The following SYTL2 variants were observed in gnomAD, a reference collection of about 807,000 sequenced individuals.
SYTL2 encodes synaptotagmin-like protein 2.
In SYTL2, 165 loss-of-function variants were observed where a neutral mutation model predicts 198.7. The ratio of observed to expected loss-of-function variants is 0.83; its 90% CI spans 0.73 to 0.94. The LOEUF (loss-of-function observed/expected upper bound fraction) is 0.94, where lower values mean the gene tolerates loss of function less well. Ranked by LOEUF, SYTL2 falls within the 40% of genes least tolerant of loss-of-function variation. The probability of loss-of-function intolerance (pLI) is 0.00; values close to 1 mark genes in which losing one functional copy is unlikely to be tolerated. For synonymous variants in SYTL2, 966 were observed against 917.7 expected (o/e 1.05, Z -0.95); for missense variants, 2,835 against 2,582.8 (o/e 1.10, Z -2.12).
In SYTL2 at chr11:85,727,081, G is replaced by A; in HGVS notation, c.2277C>T (p.Ala759=). 6.5e-7 allele frequency: 1 copy of A among 1,535,942 alleles called. No individual in the cohort carries two copies. The highest frequency in any genetic ancestry group is 8.7e-7 in the Non-Finnish European group (1 of 1,146,848). Residue 759 remains alanine (A), a synonymous_variant, in exon 8 of 20, where the codon GCC becomes GCT. Transcript: ENST00000359152. ...GCTTCTTCCAAGGAGAGCCATTGTT[G>A]GCAACCCCAGGTGTTGACTTAATAT... ...PENIKSTPGV[A]NNGSPWKKPE...
Position 85,725,380 on chromosome 11 carries a change from G to C in SYTL2, c.3978C>G (p.Ser1326Arg). 1.2e-6 allele frequency: 2 copies of C among 1,613,912 alleles called. No homozygotes were observed. The highest frequency in any genetic ancestry group is 2.7e-5 in the African/African-American group (2 of 75,036). The change falls in exon 8 of 20, where the codon AGC becomes AGG. Residue 1326 changes from serine to arginine, a missense_variant. By Grantham distance (110) the Ser-to-Arg change is moderately radical. Coordinates refer to ENST00000359152, the MANE Select transcript of SYTL2 (RefSeq NM_206927.4). ...SRKGSFGDVA[S>R]PPQDMLFPQD... The stretch of plus-strand genomic sequence containing the variant: ...GGGGAAAAAGCATATCTTGGGGAGG[G>C]CTGGCCACATCCCCAAAAGAACCCT...
At chr11:85,719,305 G>A in intron 9 of SYTL2, 2 of 1,158,440 alleles carry the variant, frequency 1.7e-6, no homozygotes, top group Non-Finnish European at 2.2e-6. Flanking sequence ...TGTAACTGGG[G>A]ACCAGCTGCT....
At chr11:85,826,568 AGGCTGT>A in the SYTL2 span, among the ~76,000 whole-genome samples, 4 of 152,250 alleles carry the variant, frequency 2.6e-5, no homozygotes, top group East Asian at 7.7e-4. Flanking sequence ...AAGCTAAAAC[AGGCTGT>A]GCTGGTCTAG....
At chr11:85,776,422 C>A (rs1293471168) in intron 1 of SYTL2, among the ~76,000 whole-genome samples, 1 of 152,162 alleles carries the variant, frequency 6.6e-6, no homozygotes, top group Admixed American at 6.5e-5. Flanking sequence ...GCAACAGGCC[C>A]CGGTGTGTTA....
rs777534918 is a variant in SYTL2 at position 85,727,968 on chromosome 11, C to A, written c.1391-1G>T. ...GGCTCAACACAATGAGACAGTTCAT[C>A]TGCAACATAGAAATACTTTTCTAAA... On this transcript the variant is annotated splice_acceptor_variant, in intron 7 of 19. Transcript: ENST00000359152. LOFTEE classifies it high-confidence loss of function. 4 of 1,576,368 alleles carry A rather than the reference C, an allele frequency of 2.5e-6. No individual in the cohort carries two copies. The Admixed American group carries it at 8.1e-5, about 32-fold the overall frequency.
At chr11:85,802,726 T>C (rs2092908965) in intron 1 of SYTL2, among the ~76,000 whole-genome samples, 1 of 152,220 alleles carries the variant, frequency 6.6e-6, no homozygotes, top group Admixed American at 6.5e-5. Flanking sequence ...ATAGTGACTC[T>C]ATGCAAGACA....
intron 3 of SYTL2, among the ~76,000 whole-genome samples, chr11:85,747,239 G>C (rs1008826841): frequency 2.0e-5 from 3 of 151,672 alleles, no homozygotes; most frequent in Non-Finnish European, 4.4e-5. Flanking sequence ...AAGATTGCTT[G>C]AGGCCAGTAG....
intron 11 of SYTL2, chr11:85,716,183 T>A (rs1421435305): frequency 6.6e-6 from 1 of 152,210 alleles, no homozygotes; most frequent in Non-Finnish European, 1.5e-5. Context: ...TTGCTTTTAC[T>A]CCACAGACTA....
intron 1 of SYTL2, among the ~76,000 whole-genome samples, chr11:85,767,401 AAATTACAGATG>A (rs1302631990): frequency 2.6e-5 from 4 of 152,238 alleles, no homozygotes; most frequent in African/African-American, 9.6e-5. Flanking sequence ...ATAACAGCCC[AAATTACAGATG>A]AATATCAGAT....
chr11:85,723,990 T>C, intron 8 of SYTL2, 42 bp downstream of exon 8: 1 of 1,201,462 alleles, frequency 8.3e-7, no homozygotes, highest in Non-Finnish European at 1.1e-6. Flanking sequence ...CAGCATTCCA[T>C]AAAGCAGACT....
intron 13 of SYTL2, among the ~76,000 whole-genome samples, chr11:85,709,717 C>G (rs2085921275): frequency 6.6e-6 from 1 of 151,922 alleles, no homozygotes; most frequent in African/African-American, 2.4e-5. Flanking sequence ...GAGTCTCACT[C>G]TGTTGCCCAG....
intron 1 of SYTL2, among the ~76,000 whole-genome samples, chr11:85,772,584 G>A (rs2092377502): frequency 6.6e-6 from 1 of 152,192 alleles, no homozygotes; most frequent in African/African-American, 2.4e-5. Context: ...CCTTCACTAT[G>A]CGTATGAAGG....
intron 1 of SYTL2, among the ~76,000 whole-genome samples, chr11:85,793,741 C>T (rs1229464987): frequency 1.3e-5 from 2 of 152,200 alleles, no homozygotes; most frequent in Non-Finnish European, 2.9e-5. Flanking sequence ...AATCTCACAG[C>T]TGTCACATTA....
Position 85,777,055 on chromosome 11 carries a change from G to A in SYTL2, c.-389-18941C>T, listed in dbSNP as rs141641026. On this transcript the variant is annotated intron_variant, in intron 1 of 19. Coordinates refer to ENST00000359152, the MANE Select transcript of SYTL2 (RefSeq NM_206927.4). ...TGAATTCAATGCAGAAGACAGCATA[G>A]TACAGCTTTGGAGAGGGTGGAGTAC... Among the ~76,000 whole-genome samples the A allele has an allele frequency of 8.7e-4, 132 of 152,342 alleles. 1 individual carries two copies. The East Asian group carries it at 0.013, about 15-fold the overall frequency.
At chr11:85,712,695 TACACACAC>T (rs200738930) in intron 12 of SYTL2, among the ~76,000 whole-genome samples, 30 of 145,564 alleles carry the variant, frequency 2.1e-4, no homozygotes, top group Admixed American at 7.6e-4. Context: ...AAAATACATA[TACACACAC>T]ACACACACAC....
At chr11:85,751,545 G>C (rs1247012891) in intron 2 of SYTL2, among the ~76,000 whole-genome samples, 2 of 152,230 alleles carry the variant, frequency 1.3e-5, no homozygotes, top group East Asian at 3.8e-4. Context: ...AGAGAGTTAA[G>C]TAGAGAGAAG....
chr11:85,742,377 G>A (rs1192288742), intron 4 of SYTL2, among the ~76,000 whole-genome samples: 1 of 152,124 alleles, frequency 6.6e-6, no homozygotes, highest in Non-Finnish European at 1.5e-5. Context: ...CCTCATTTAC[G>A]GACAGGGTCC....
the SYTL2 span, chr11:85,853,673 AAAG>A: frequency 6.6e-5 from 10 of 150,682 alleles, no homozygotes; most frequent in Admixed American, 1.3e-4. Context: ...AAAAAAAAAA[AAAG>A]AAGAAAAGAA....
At chr11:85,805,188 G>C (rs2092941942) in intron 1 of SYTL2, among the ~76,000 whole-genome samples, 2 of 151,892 alleles carry the variant, frequency 1.3e-5, no homozygotes, top group African/African-American at 4.8e-5. Flanking sequence ...AACAACCCTA[G>C]ACTATAACTA....
Sources: gnomAD v4.1 joint callset for allele counts (sites outside exome capture counted in the v4.1 genomes callset) on GRCh38, gnomAD v4.1.1 for gene constraint, MANE v1.5 for transcripts, NCBI Gene and HGNC (gene_info 2026-07-23, HGNC 2026-07-21) for gene names.